The following IPO11 variants were observed in gnomAD, a reference collection of about 807,000 sequenced individuals.
IPO11 encodes importin-11.
IPO11 carries 66 observed loss-of-function variants against 143.2 expected under a neutral mutation model. The ratio of observed to expected loss-of-function variants is 0.46; its 90% CI spans 0.38 to 0.57. The LOEUF is 0.57. Among genes scored for constraint, IPO11 ranks in the 20% least tolerant of loss-of-function variants. The pLI, the probability that IPO11 is intolerant of heterozygous loss-of-function variation, is 0.00. For synonymous variants in IPO11, 385 were observed against 377.8 expected, an observed-to-expected ratio of 1.02 and a Z score of -0.22; for missense variants, 1,026 against 1,141.0, an observed-to-expected ratio of 0.90 and a Z score of 1.45.
At chr5:62,531,487 C>A (rs1250603818) in intron 22 of IPO11, among the ~76,000 whole-genome samples, 2 of 152,114 alleles carry the variant, frequency 1.3e-5, no homozygotes, top group Non-Finnish European at 2.9e-5. Context: ...TGCACCACCA[C>A]ACACAGCTAA....
At chr5:62,475,607 CA>C (rs1745929442) in intron 8 of IPO11, among the ~76,000 whole-genome samples, 1 of 152,242 alleles carries the variant, frequency 6.6e-6, no homozygotes, top group South Asian at 2.1e-4. Flanking sequence ...ATATGTTTAA[CA>C]AATATTGTCT....
At chr5:62,444,391 C>T (rs557606908) in intron 3 of IPO11, among the ~76,000 whole-genome samples, 15 of 151,760 alleles carry the variant, frequency 9.9e-5, no homozygotes, top group African/African-American at 3.1e-4. Flanking sequence ...TGTGCCCGGC[C>T]GGAGTAATTT....
At chr5:62,587,483 CTT>C (rs369313256) in intron 27 of IPO11, among the ~76,000 whole-genome samples, 1 of 146,348 alleles carries the variant, frequency 6.8e-6, no homozygotes, top group Admixed American at 6.8e-5. Context: ...TAGGGGAAAA[CTT>C]TTTTTTTTTA....
chr5:62,546,954 A>G (rs766106262), intron 24 of IPO11, among the ~76,000 whole-genome samples: 10 of 152,168 alleles, frequency 6.6e-5, no homozygotes, highest in Non-Finnish European at 1.3e-4. Flanking sequence ...GTCAGGATGT[A>G]TATCTGTTTT....
chr5:62,490,572 A>G (rs1430555337), intron 15 of IPO11, among the ~76,000 whole-genome samples: 2 of 152,190 alleles, frequency 1.3e-5, no homozygotes, highest in Non-Finnish European at 2.9e-5. Context: ...TCTTGGGATC[A>G]CATAATGCAT....
chr5:62,415,278 C>T (rs528102625), intron 1 of IPO11, among the ~76,000 whole-genome samples: 1 of 151,980 alleles, frequency 6.6e-6, no homozygotes, highest in South Asian at 2.1e-4. Flanking sequence ...GTTCTCCTGC[C>T]TCAGCCTCCA....
At chr5:62,451,640 TCAAGTGTATAATTAA>T in intron 4 of IPO11, 75 bp from the exon 5 acceptor site, 3 of 960,954 alleles carry the variant, frequency 3.1e-6, no homozygotes, top group Non-Finnish European at 3.2e-6. Context: ...TTCATTTTTG[TCAAGTGTATAATTAA>T]CAAGGTGATT....
At chr5:62,579,864 T>A (rs1744477333) in intron 27 of IPO11, 1 of 1,549,632 alleles carries the variant, frequency 6.5e-7, no homozygotes, top group Admixed American at 2.0e-5. Flanking sequence ...TACAGTATAA[T>A]CAGGTATCTT....
chr5:62,482,005 G>T (rs1049782752), intron 9 of IPO11, among the ~76,000 whole-genome samples: 3 of 152,092 alleles, frequency 2.0e-5, no homozygotes, highest in African/African-American at 7.2e-5. Context: ...GCTTCTAACT[G>T]GTTTAGTCTT....
At chr5:62,568,014 G>A (rs942893445) in intron 27 of IPO11, among the ~76,000 whole-genome samples, 3 of 152,032 alleles carry the variant, frequency 2.0e-5, no homozygotes, top group African/African-American at 7.3e-5. Context: ...TGCCCAGGCT[G>A]AAGTGCAGTG....
chr5:62,440,468 C>T (rs895097763), intron 2 of IPO11, among the ~76,000 whole-genome samples: 4 of 151,504 alleles, frequency 2.6e-5, no homozygotes, highest in African/African-American at 9.7e-5. Flanking sequence ...GATTCTCCTG[C>T]CTCCGCCTCC....
At chr5:62,493,072 G>A (rs536708472) in intron 15 of IPO11, among the ~76,000 whole-genome samples, 1 of 152,298 alleles carries the variant, frequency 6.6e-6, no homozygotes, top group South Asian at 2.1e-4. Context: ...TAGCGAAGAT[G>A]ATGAGAGAAA....
intron 28 of IPO11, among the ~76,000 whole-genome samples, chr5:62,592,158 C>T (rs1745048185): frequency 6.6e-6 from 1 of 152,096 alleles, no homozygotes; most frequent in South Asian, 2.1e-4. Flanking sequence ...CTGGTATCAG[C>T]TTTATTATGT....
At chr5:62,516,565 A>G (rs1742028338) in intron 20 of IPO11, among the ~76,000 whole-genome samples, 1 of 152,170 alleles carries the variant, frequency 6.6e-6, no homozygotes, top group South Asian at 2.1e-4. Flanking sequence ...AAGTGCTAGG[A>G]TTACAGGCAT....
intron 27 of IPO11, among the ~76,000 whole-genome samples, chr5:62,587,272 T>C (rs1310381637): frequency 6.6e-6 from 1 of 152,070 alleles, no homozygotes; most frequent in African/African-American, 2.4e-5. Flanking sequence ...CATTATTGAA[T>C]GCAAAAAAAA....
At chr5:62,535,065 A>G (rs1742691158) in intron 22 of IPO11, among the ~76,000 whole-genome samples, 2 of 128,644 alleles carry the variant, frequency 1.6e-5, no homozygotes, top group South Asian at 5.1e-4. Flanking sequence ...GATGATGATA[A>G]CATGCCCAAG....
chr5:62,581,147 A>G lies in IPO11; in HGVS notation c.2583-10430A>G, dbSNP rs772130845. 8 of 1,550,914 alleles carry G rather than the reference A, an allele frequency of 5.2e-6. No individual in the cohort carries two copies. Among genetic ancestry groups the G allele is most frequent in the South Asian group, 1.2e-5 (1 of 83,890 alleles). On this transcript the variant is annotated intron_variant, in intron 27 of 29. Transcript: ENST00000325324. ...TCAAGGGAAAATAGACTTGAATACT[A>G]CAGCTTTTATCAGTCAGCAAGGTAT...
At chr5:62,515,819 A>G (rs572156244) in intron 20 of IPO11, among the ~76,000 whole-genome samples, 1 of 152,184 alleles carries the variant, frequency 6.6e-6, no homozygotes, top group Non-Finnish European at 1.5e-5. Context: ...GCTTAAACAT[A>G]CTTAATGTTT....
At chr5:62,513,287 AC>A (rs1741845474) in intron 19 of IPO11, among the ~76,000 whole-genome samples, 1 of 113,646 alleles carries the variant, frequency 8.8e-6, no homozygotes, top group Non-Finnish European at 1.7e-5. Flanking sequence ...TCCCTCCCGG[AC>A]GGGGCGGCTG....
Sources: allele counts gnomAD v4.1 joint callset (sites outside exome capture counted in the v4.1 genomes callset), GRCh38; gene constraint gnomAD v4.1.1; transcripts MANE v1.5; gene names NCBI Gene and HGNC (gene_info 2026-07-23, HGNC 2026-07-21).